The following ADORA2A variants were observed in gnomAD, a reference collection of about 807,000 sequenced individuals.
ADORA2A encodes adenosine A2a receptor, also known as adenosine receptor A2a.
ADORA2A carries 11 observed loss-of-function variants against 18.4 expected under a neutral mutation model. That is an observed-to-expected ratio of 0.60 (90% CI 0.38 to 0.99). The LOEUF is 0.99. ADORA2A is among the 50% of genes least tolerant of loss of function. The pLI is 0.01. For missense variants in ADORA2A, 449 were observed against 556.1 expected, an observed-to-expected ratio of 0.81 and a Z score of 1.94; for synonymous variants, 218 against 237.3, an observed-to-expected ratio of 0.92 and a Z score of 0.75.
chr22:24,437,165 G>C (rs1171640463), intron 2 of ADORA2A, among the ~76,000 whole-genome samples: 1 of 152,176 alleles, frequency 6.6e-6, no homozygotes, highest in Non-Finnish European at 1.5e-5. Flanking sequence ...CCCAGTGTGG[G>C]TAATGGAGAT....
At chr22:24,431,902 T>C (rs1952350517) in intron 1 of ADORA2A, among the ~76,000 whole-genome samples, 2 of 152,188 alleles carry the variant, frequency 1.3e-5, no homozygotes, top group Non-Finnish European at 2.9e-5. Flanking sequence ...GTTTATTTCC[T>C]TCTCATAGAA....
intron 1 of ADORA2A, 33 bp from the exon 2 acceptor site, chr22:24,433,098 T>G: frequency 2.0e-6 from 1 of 502,890 alleles, no homozygotes. Flanking sequence ...CCTCTGCAGA[T>G]GGTTCAGCTT....
intron 1 of ADORA2A, chr22:24,431,463 A>G (rs770557527): frequency 2.2e-6 from 1 of 456,692 alleles, no homozygotes; most frequent in African/African-American, 2.0e-5. Flanking sequence ...GCTCTGTCAC[A>G]TGGACAATGG....
At position 24,428,267 on chromosome 22, in the gene ADORA2A, G is replaced by A. The variant is rs566738921; in HGVS notation, c.-275+521G>A. On this transcript the variant is annotated intron_variant, in intron 1 of 2. Coordinates refer to ENST00000337539, the MANE Select transcript of ADORA2A (RefSeq NM_000675.6). ...GGCCCACAACCTGCCGTGCCCTGCC[G>A]AGCTCCCGCAAGCCACTTGTTGATG... Among the ~76,000 whole-genome samples the A allele has an allele frequency of 8.5e-5, 13 of 152,314 alleles. No individual in the cohort carries two copies. In the East Asian group the frequency reaches 9.6e-4, roughly 11 times the overall value.
chr22:24,431,399 T>G (rs1257544576), intron 1 of ADORA2A: 1 of 456,704 alleles, frequency 2.2e-6, no homozygotes, highest in South Asian at 1.5e-5. Context: ...TTCCAGCCAC[T>G]TGAGGTGCCG....
intron 2 of ADORA2A, chr22:24,438,314 C>T (rs949933565): frequency 3.3e-5 from 5 of 152,168 alleles, no homozygotes; most frequent in African/African-American, 9.7e-5. Context: ...GGCCAGAACC[C>T]AGGAAGGGAT....
At chr22:24,426,961 G>C (rs546341978), upstream of ADORA2A, among the ~76,000 whole-genome samples, 1 of 152,210 alleles carries the variant, frequency 6.6e-6, no homozygotes, top group Non-Finnish European at 1.5e-5. Flanking sequence ...AGGAGTCACT[G>C]GGCAGGGGCT....
In ADORA2A at chr22:24,433,436, C is replaced by T. The variant is rs779641559; in HGVS notation, c.32C>T (p.Thr11Met). The T allele has an allele frequency of 1.4e-5, 22 of 1,613,534 alleles. No individual in the cohort carries two copies. The highest frequency in any genetic ancestry group is 8.0e-5 in the African/African-American group (6 of 74,918). Residue 11 changes from threonine (T) to methionine (M), a missense_variant, in exon 2 of 3, where the codon ACG becomes ATG. Thr to Met is a moderately conservative substitution (Grantham distance 81, BLOSUM62 -1). Coordinates refer to ENST00000337539, the MANE Select transcript of ADORA2A (RefSeq NM_000675.6). Reference protein sequence around the residue: MPIMGSSVYITVELAIAVLAI... With the variant: MPIMGSSVYIMVELAIAVLAI... ...ATCATGGGCTCCTCGGTGTACATCA[C>T]GGTGGAGCTGGCCATTGCTGTGCTG...
chr22:24,426,113 G>A (rs983357849), upstream of ADORA2A, among the ~76,000 whole-genome samples: 3 of 152,198 alleles, frequency 2.0e-5, no homozygotes, highest in African/African-American at 7.2e-5. Flanking sequence ...CAAAGTCCAG[G>A]TGAGGCCTGG....
upstream of ADORA2A, among the ~76,000 whole-genome samples, chr22:24,425,169 G>A (rs1173917867): frequency 1.3e-5 from 2 of 151,976 alleles, no homozygotes; most frequent in African/African-American, 4.8e-5. Context: ...TCCATGACGC[G>A]CCAGGGCTGC....
At chr22:24,424,438 C>T (rs907025030), upstream of ADORA2A, 1 of 152,228 alleles carries the variant, frequency 6.6e-6, no homozygotes, top group African/African-American at 2.4e-5. This position sits in a 1 kb window ranked among gnomAD's most constrained non-coding sequence, Gnocchi z 4.9. Flanking sequence ...TTCGCGAGCT[C>T]CTCCAGCAGG....
rs1216926410 is a variant in ADORA2A at position 24,440,812 on chromosome 22, G to T, written c.562G>T (p.Val188Leu). The T allele has an allele frequency of 1.2e-6, 2 of 1,614,162 alleles. No individual in the cohort carries two copies. The highest frequency in any genetic ancestry group is 2.7e-5 in the African/African-American group (2 of 75,018). ...VYFNFFACVL[V>L]PLLLMLGVYL... ...CTTCAACTTCTTTGCCTGTGTGCTG[G>T]TGCCCCTGCTGCTCATGCTGGGTGT... Residue 188 changes from valine (V) to leucine (L), a missense_variant, in exon 3 of 3, where the codon GTG (valine) becomes TTG (leucine). Transcript: ENST00000337539.
At chr22:24,428,835 C>T (rs528987887) in intron 1 of ADORA2A, among the ~76,000 whole-genome samples, 47 of 152,358 alleles carry the variant, frequency 3.1e-4, no homozygotes, top group African/African-American at 1.1e-3. Flanking sequence ...CCTTTGAGGT[C>T]CCCTGCCATA....
In ADORA2A at chr22:24,433,639, T is replaced by G; in HGVS notation, c.235T>G (p.Phe79Val). 1 of 1,613,744 alleles carries G rather than the reference T, an allele frequency of 6.2e-7. No homozygotes were observed. Among genetic ancestry groups the G allele is most frequent in the Non-Finnish European group, 8.5e-7 (1 of 1,180,030 alleles). ...CTGCGCTGCCTGCCACGGCTGCCTC[T>G]TCATTGCCTGCTTCGTCCTGGTCCT... is the stretch of plus-strand genomic sequence containing the variant. ...GFCAACHGCL[F>V]IACFVLVLTQ... Residue 79 changes from phenylalanine (F) to valine (V), a missense_variant, in exon 2 of 3, where the codon TTC becomes GTC. Coordinates refer to ENST00000337539, the MANE Select transcript of ADORA2A (RefSeq NM_000675.6).
chr22:24,427,514 G>A (rs1216242075), upstream of ADORA2A: 2 of 152,436 alleles, frequency 1.3e-5, no homozygotes, highest in African/African-American at 2.4e-5. Flanking sequence ...CCCGCCATCT[G>A]AGGGAGGTGC....
intron 2 of ADORA2A, among the ~76,000 whole-genome samples, chr22:24,439,800 T>G (rs2043288118): frequency 6.6e-6 from 1 of 152,120 alleles, no homozygotes; most frequent in South Asian, 2.1e-4. Flanking sequence ...TTCGGGCAGA[T>G]TACTGTCCCC....
In ADORA2A at chr22:24,433,332, G is replaced by A. The variant is rs201830020; in HGVS notation, c.-73G>A. 3.5e-6 allele frequency: 5 copies of A among 1,440,142 alleles called. No individual in the cohort carries two copies. Among genetic ancestry groups the A allele is most frequent in the East Asian group, 5.0e-5 (2 of 40,268 alleles). The allele number at this position is 1,440,142 out of a possible 1,614,324, so 89.2% of individuals were successfully genotyped here. Reference sequence around the variant, plus strand: ...GGGCCGGGCTGGGAGCCAGGCGGGCGGCTGGGCTGCAGCAATGGACCGTGA... The same window carrying A: ...GGGCCGGGCTGGGAGCCAGGCGGGCAGCTGGGCTGCAGCAATGGACCGTGA... On this transcript the variant is annotated 5_prime_UTR_variant, in exon 2 of 3. Coordinates refer to ENST00000337539, the MANE Select transcript of ADORA2A (RefSeq NM_000675.6).
rs373637651 is a variant in ADORA2A at position 24,441,527 on chromosome 22, T to C, written c.*38T>C. On this transcript the variant is annotated 3_prime_UTR_variant, in exon 3 of 3. Coordinates refer to ENST00000337539, the MANE Select transcript of ADORA2A (RefSeq NM_000675.6). ...TTTGCCCCTTCCTAAGGGAAGGAGA[T>C]CTTTATCTTTCTGGTTGGCTTGACC... The C allele has an allele frequency of 4.8e-6, 7 of 1,468,438 alleles. No individual in the cohort carries two copies. The highest frequency in any genetic ancestry group is 6.3e-6 in the Non-Finnish European group (7 of 1,110,058). The allele number at this position is 1,468,438 out of a possible 1,614,324, so 91.0% of individuals were successfully genotyped here.
At chr22:24,432,917 C>T (rs990443309) in intron 1 of ADORA2A, 1 of 168,296 alleles carries the variant, frequency 5.9e-6, no homozygotes, top group African/African-American at 2.4e-5. Flanking sequence ...ATTCCCACCT[C>T]TCTCGCCTCC....
Sources: allele counts gnomAD v4.1 joint callset (sites outside exome capture counted in the v4.1 genomes callset), GRCh38; gene constraint gnomAD v4.1.1; non-coding constraint Gnocchi (gnomAD v3.1); transcripts MANE v1.5; gene names NCBI Gene and HGNC (gene_info 2026-07-23, HGNC 2026-07-21).